LIN7A: variants seen among roughly 807,000 people sequenced by gnomAD.
The protein encoded by LIN7A is protein lin-7 homolog A.
LIN7A carries 25 observed loss-of-function variants against 29.8 expected under a neutral mutation model. The observed-to-expected ratio is 0.84, with a 90% CI of 0.61 to 1.17. The LOEUF is 1.17. LIN7A is among the 50% of genes most tolerant of loss of function. LIN7A has a pLI of 0.00. For synonymous variants in LIN7A, 118 were observed against 107.5 expected, an observed-to-expected ratio of 1.10 and a Z score of -0.60; for missense variants, 239 against 287.0, an observed-to-expected ratio of 0.83 and a Z score of 1.21.
chr12:80,806,459 T>C (rs1375748811), intron 5 of LIN7A, among the ~76,000 whole-genome samples: 1 of 152,208 alleles, frequency 6.6e-6, no homozygotes, highest in African/African-American at 2.4e-5. Context: ...AGTACTTGCA[T>C]TAAATCTTTT....
At chr12:80,823,539 C>T (rs904066506) in intron 4 of LIN7A, among the ~76,000 whole-genome samples, 2 of 152,228 alleles carry the variant, frequency 1.3e-5, no homozygotes, top group African/African-American at 4.8e-5. Context: ...ACTCCATGCT[C>T]ACTTGCTCAC....
intron 1 of LIN7A, among the ~76,000 whole-genome samples, chr12:80,900,822 T>A (rs1269786173): frequency 1.3e-5 from 2 of 152,182 alleles, no homozygotes; most frequent in African/African-American, 4.8e-5. Context: ...AAACTCTATT[T>A]AACAACATTT....
intron 2 of LIN7A, among the ~76,000 whole-genome samples, chr12:80,849,615 G>A (rs1247826114): frequency 2.0e-5 from 3 of 152,056 alleles, no homozygotes; most frequent in Non-Finnish European, 2.9e-5. Context: ...GGTGATAAGG[G>A]CAAATACCTA....
chr12:80,879,208 G>T (rs1054003930), intron 2 of LIN7A, among the ~76,000 whole-genome samples: 1 of 151,908 alleles, frequency 6.6e-6, no homozygotes, highest in Non-Finnish European at 1.5e-5. Flanking sequence ...ACTACCTAGT[G>T]GAGCAGTGTT....
intron 1 of LIN7A, among the ~76,000 whole-genome samples, chr12:80,932,835 G>A (rs1877988736): frequency 6.6e-6 from 1 of 152,158 alleles, no homozygotes; most frequent in South Asian, 2.1e-4. Flanking sequence ...ATATCCACGT[G>A]TTAAGTATTA....
intron 2 of LIN7A, among the ~76,000 whole-genome samples, chr12:80,879,231 T>G (rs1331932359): frequency 1.3e-5 from 2 of 152,008 alleles, no homozygotes; most frequent in Non-Finnish European, 2.9e-5. Context: ...TCAACTGATA[T>G]TATAGACCTT....
chr12:80,814,053 A>G (rs1401282212), intron 4 of LIN7A, among the ~76,000 whole-genome samples: 1 of 152,198 alleles, frequency 6.6e-6, no homozygotes, highest in Non-Finnish European at 1.5e-5. Context: ...ACAGAAAAAT[A>G]AAGGAAGTGA....
intron 4 of LIN7A, among the ~76,000 whole-genome samples, chr12:80,838,129 A>T (rs1351618971): frequency 1.3e-5 from 2 of 152,234 alleles, no homozygotes; most frequent in Non-Finnish European, 2.9e-5. Flanking sequence ...GATTTAGGTC[A>T]GTCTGATCCC....
At chr12:80,877,338 TTA>T (rs947242897) in intron 2 of LIN7A, among the ~76,000 whole-genome samples, 1 of 151,998 alleles carries the variant, frequency 6.6e-6, no homozygotes. Context: ...CAAAGGAATA[TTA>T]CACAGCAGCT....
intron 4 of LIN7A, among the ~76,000 whole-genome samples, chr12:80,813,511 T>A (rs1565938): frequency 0.49 from 74,811 of 151,816 alleles, 19,366 homozygotes; most frequent in African/African-American, 0.66. Context: ...CTATTCAGGA[T>A]ACAATCAAAT....
chr12:80,850,322 T>G (rs755315376), intron 2 of LIN7A, among the ~76,000 whole-genome samples: 5 of 152,188 alleles, frequency 3.3e-5, no homozygotes, highest in Non-Finnish European at 5.9e-5. Flanking sequence ...CTTCTAGGTC[T>G]GTTATGAGGA....
At chr12:80,850,604 A>G (rs1489716101) in intron 2 of LIN7A, among the ~76,000 whole-genome samples, 2 of 152,178 alleles carry the variant, frequency 1.3e-5, no homozygotes, top group South Asian at 2.1e-4. Flanking sequence ...TACTGCATCT[A>G]GCATGTGGTG....
At chr12:80,882,441 C>T (rs1469057691) in intron 2 of LIN7A, among the ~76,000 whole-genome samples, 6 of 148,556 alleles carry the variant, frequency 4.0e-5, no homozygotes, top group South Asian at 4.4e-4. Flanking sequence ...CCCGCCACTA[C>T]GCCCGGCTAA....
chr12:80,809,214 C>T (rs933747034), intron 5 of LIN7A, among the ~76,000 whole-genome samples: 4 of 152,188 alleles, frequency 2.6e-5, no homozygotes, highest in Admixed American at 1.3e-4. Flanking sequence ...CATCCACCCA[C>T]CTCGGCTTCC....
intron 1 of LIN7A, among the ~76,000 whole-genome samples, chr12:80,927,197 C>CGTCGCCCAGGCTGGAGTGCAGT (rs1877645330): frequency 7.7e-6 from 1 of 130,302 alleles, no homozygotes; most frequent in African/African-American, 2.9e-5. Context: ...AGTCTCGCTC[C>CGTCGCCCAGGCTGGAGTGCAGT]GTCGCCCAGG....
chr12:80,824,443 A>G (rs1429472035), intron 4 of LIN7A, among the ~76,000 whole-genome samples: 3 of 152,212 alleles, frequency 2.0e-5, no homozygotes, highest in African/African-American at 7.2e-5. Context: ...AGACATTCAA[A>G]GAAGAATTGG....
At chr12:80,931,349 A>G (rs1877892335) in intron 1 of LIN7A, among the ~76,000 whole-genome samples, 1 of 152,186 alleles carries the variant, frequency 6.6e-6, no homozygotes, top group African/African-American at 2.4e-5. Flanking sequence ...TAATTATCAA[A>G]TAAAAAACAG....
At chr12:80,841,802 A>G in intron 4 of LIN7A, 1 of 761,084 alleles carries the variant, frequency 1.3e-6, no homozygotes, top group Non-Finnish European at 1.6e-6. Context: ...GTTCTCTCTT[A>G]AAATTGCGGA....
chr12:80,863,434 C>A (rs2120428094), intron 2 of LIN7A, among the ~76,000 whole-genome samples: 1 of 152,242 alleles, frequency 6.6e-6, no homozygotes, highest in Non-Finnish European at 1.5e-5. Context: ...AGAAAGAGAG[C>A]ACATAATCAC....
Sources: allele counts gnomAD v4.1 joint callset (sites outside exome capture counted in the v4.1 genomes callset), GRCh38; gene constraint gnomAD v4.1.1; transcripts MANE v1.5; gene names NCBI Gene and HGNC (gene_info 2026-07-23, HGNC 2026-07-21).